The following MTF2 variants were observed in gnomAD, a reference collection of about 807,000 sequenced individuals.
MTF2 encodes metal response element binding transcription factor 2.
In MTF2, 11 loss-of-function variants were observed where a neutral mutation model predicts 79.5. The observed-to-expected ratio is 0.14, with a 90% CI of 0.09 to 0.23. MTF2 has a LOEUF of 0.23. Ranked by LOEUF, MTF2 falls within the 10% of genes least tolerant of loss-of-function variation. MTF2 has a pLI of 1.00. For missense variants in MTF2, 486 were observed against 711.2 expected (o/e 0.68, Z 3.60); for synonymous variants, 208 against 232.8 (o/e 0.89, Z 0.97).
At chr1:93,107,745 G>A (rs1347882290) in intron 1 of MTF2, among the ~76,000 whole-genome samples, 2 of 151,486 alleles carry the variant, frequency 1.3e-5, no homozygotes, top group South Asian at 2.1e-4. Context: ...ATTCAAGTTA[G>A]CATCTTGTGT....
chr1:93,105,099 G>C (rs1241010997), intron 1 of MTF2, among the ~76,000 whole-genome samples: 2 of 144,166 alleles, frequency 1.4e-5, no homozygotes, highest in East Asian at 2.0e-4. Flanking sequence ...AGCCGAGATA[G>C]CGCCACTGCA....
chr1:93,098,926 C>G (rs1429254392), intron 1 of MTF2, among the ~76,000 whole-genome samples: 3 of 151,980 alleles, frequency 2.0e-5, no homozygotes, highest in Non-Finnish European at 2.9e-5. Flanking sequence ...AGTAGCAACC[C>G]CTGACCATGG....
intron 6 of MTF2, among the ~76,000 whole-genome samples, chr1:93,117,959 G>A (rs1360547798): frequency 1.3e-5 from 2 of 152,102 alleles, no homozygotes; most frequent in Non-Finnish European, 2.9e-5. Context: ...GGGAGGTTGA[G>A]GCTGCATGAG....
intron 3 of MTF2, 88 bp downstream of exon 3, chr1:93,110,714 C>T (rs1409070953): frequency 5.6e-6 from 6 of 1,073,768 alleles, no homozygotes; most frequent in African/African-American, 3.2e-5. Flanking sequence ...CTGTTGAATA[C>T]AGTGTATTTA....
Position 93,136,993 on chromosome 1 carries a change from A to G in MTF2, c.1748A>G (p.Tyr583Cys). The G allele has an allele frequency of 1.2e-6, 2 of 1,614,032 alleles. No homozygotes were observed. The highest frequency in any genetic ancestry group is 2.7e-5 in the African/African-American group (2 of 75,016). Residue 583 changes from tyrosine to cysteine, a missense_variant, in exon 15 of 15, where the codon TAT becomes TGT. Tyr to Cys is a radical substitution (Grantham distance 194). Around this residue, in one of 4 missense-constraint regions of MTF2, gnomAD observed 25 missense variants for 56.8 expected, o/e 0.44. Coordinates refer to ENST00000370298, the MANE Select transcript of MTF2 (RefSeq NM_007358.4). ...RRVTLDGKVQ[Y>C]LVEWEGATAS ...GTGACACTTGATGGAAAGGTGCAGT[A>G]TCTTGTGGAATGGGAAGGAGCAACT...
chr1:93,081,308 A>T (rs750353439), intron 1 of MTF2, among the ~76,000 whole-genome samples: 1 of 152,178 alleles, frequency 6.6e-6, no homozygotes, highest in Non-Finnish European at 1.5e-5. Context: ...GATTTCATGG[A>T]TTATAAATAT....
intron 1 of MTF2, among the ~76,000 whole-genome samples, chr1:93,094,997 A>T (rs919075694): frequency 6.6e-6 from 1 of 152,052 alleles, no homozygotes; most frequent in Non-Finnish European, 1.5e-5. Context: ...AGGATAGGAG[A>T]TGTGACTCGG....
chr1:93,092,873 G>C (rs1655127621), intron 1 of MTF2, among the ~76,000 whole-genome samples: 1 of 152,060 alleles, frequency 6.6e-6, no homozygotes, highest in South Asian at 2.1e-4. Flanking sequence ...AGTGGTGAGG[G>C]TTAGTTAATG....
intron 1 of MTF2, among the ~76,000 whole-genome samples, chr1:93,104,981 A>G (rs1005572721): frequency 1.3e-4 from 20 of 152,100 alleles, no homozygotes; most frequent in African/African-American, 4.6e-4. Flanking sequence ...CGTCTCTACT[A>G]AAAATACAAA....
chr1:93,116,536 C>A (rs1479258857), intron 6 of MTF2, among the ~76,000 whole-genome samples: 1 of 129,484 alleles, frequency 7.7e-6, no homozygotes, highest in Non-Finnish European at 1.5e-5. Flanking sequence ...CAGGTTCTTG[C>A]TCTGTTGCCT....
intron 1 of MTF2, among the ~76,000 whole-genome samples, chr1:93,099,281 C>T (rs1655429335): frequency 6.6e-6 from 1 of 152,082 alleles, no homozygotes; most frequent in African/African-American, 2.4e-5. Context: ...CTGAGGAAAG[C>T]CTGCTGCATC....
chr1:93,083,260 A>T (rs1183021798), intron 1 of MTF2, among the ~76,000 whole-genome samples: 3 of 152,130 alleles, frequency 2.0e-5, no homozygotes, highest in Non-Finnish European at 2.9e-5. Flanking sequence ...TGCCTGCATG[A>T]TCTAGTCATT....
At chr1:93,119,476 A>G (rs1656386942) in intron 8 of MTF2, 75 bp downstream of exon 8, 2 of 1,110,386 alleles carry the variant, frequency 1.8e-6, no homozygotes, top group Admixed American at 2.5e-5. Context: ...TTCTATATAC[A>G]TTTACTTGGC....
intron 6 of MTF2, among the ~76,000 whole-genome samples, chr1:93,115,910 A>G (rs1305554106): frequency 6.6e-6 from 1 of 152,242 alleles, no homozygotes; most frequent in Non-Finnish European, 1.5e-5. Flanking sequence ...GGGGCCCAGT[A>G]TCAGTAGTTT....
At chr1:93,123,183 T>G (rs1656551127) in intron 9 of MTF2, among the ~76,000 whole-genome samples, 1 of 151,240 alleles carries the variant, frequency 6.6e-6, no homozygotes. Flanking sequence ...CTTGGAGTAC[T>G]TTAGTCATTT....
At chr1:93,095,553 A>T (rs763676123) in intron 1 of MTF2, among the ~76,000 whole-genome samples, 4 of 151,154 alleles carry the variant, frequency 2.6e-5, no homozygotes, top group Non-Finnish European at 4.4e-5. Context: ...GTTGGCCAGG[A>T]TGGTCTCGAA....
intron 6 of MTF2, among the ~76,000 whole-genome samples, chr1:93,117,226 A>G (rs1557554339): frequency 6.6e-6 from 1 of 152,216 alleles, no homozygotes; most frequent in Non-Finnish European, 1.5e-5. Flanking sequence ...TTATTTTCAA[A>G]TAAAGATAAC....
intron 1 of MTF2, among the ~76,000 whole-genome samples, chr1:93,079,869 T>C (rs1335675985): frequency 1.8e-4 from 18 of 100,076 alleles, no homozygotes; most frequent in Admixed American, 1.5e-3. Flanking sequence ...AGGATGAACC[T>C]GGTGACGAGG....
intron 1 of MTF2, among the ~76,000 whole-genome samples, chr1:93,092,979 G>A (rs1190055239): frequency 1.3e-5 from 2 of 151,956 alleles, no homozygotes; most frequent in South Asian, 2.1e-4. Context: ...TTAGGAGATC[G>A]AGATCATCCT....
Sources: gnomAD v4.1 joint callset for allele counts (sites outside exome capture counted in the v4.1 genomes callset) on GRCh38, gnomAD v4.1.1 for gene constraint, gnomAD v4.1.1 regional missense constraint, MANE v1.5 for transcripts, NCBI Gene and HGNC (gene_info 2026-07-23, HGNC 2026-07-21) for gene names.